The following MLIP variants were observed in gnomAD, a reference collection of about 807,000 sequenced individuals.
The protein encoded by MLIP is muscular LMNA-interacting protein.
Under a neutral mutation model 84.8 loss-of-function variants are expected in MLIP, and 79 were observed. The observed-to-expected ratio is 0.93, with a 90% confidence interval of 0.78 to 1.12. The LOEUF (loss-of-function observed/expected upper bound fraction) is 1.12. Among genes scored for constraint, MLIP ranks in the 50% most tolerant of loss-of-function variants. The probability of loss-of-function intolerance (pLI) is 0.00; values close to 1 mark genes in which losing one functional copy is unlikely to be tolerated. For missense variants in MLIP, 1,257 were observed against 1,160.6 expected, an observed-to-expected ratio of 1.08 and a Z score of -1.21; for synonymous variants, 504 against 463.0, an observed-to-expected ratio of 1.09 and a Z score of -1.14.
At chr6:54,212,097 T>C (rs1779495626) in intron 11 of MLIP, among the ~76,000 whole-genome samples, 1 of 152,226 alleles carries the variant, frequency 6.6e-6, no homozygotes, top group Non-Finnish European at 1.5e-5. Flanking sequence ...TTTCAATGAT[T>C]CCAGATATAT....
chr6:54,080,111 A>G (rs1165055766), intron 1 of MLIP, among the ~76,000 whole-genome samples: 2 of 151,288 alleles, frequency 1.3e-5, no homozygotes, highest in African/African-American at 4.9e-5. Context: ...CAAACCTAAT[A>G]CTCCTTCCCC....
chr6:54,166,884 A>G (rs949297263), intron 8 of MLIP, among the ~76,000 whole-genome samples: 2 of 151,932 alleles, frequency 1.3e-5, no homozygotes, highest in Non-Finnish European at 1.5e-5. Flanking sequence ...ATTTTCTCCC[A>G]CAAAATGATT....
intron 3 of MLIP, among the ~76,000 whole-genome samples, chr6:54,134,316 A>T (rs1314385988): frequency 6.6e-6 from 1 of 152,082 alleles, no homozygotes; most frequent in Non-Finnish European, 1.5e-5. Flanking sequence ...ATCTTTTTAT[A>T]AAAAAAGAAT....
chr6:54,023,629 G>C (rs1350186746), intron 1 of MLIP, among the ~76,000 whole-genome samples: 2 of 152,112 alleles, frequency 1.3e-5, no homozygotes, highest in Non-Finnish European at 2.9e-5. Flanking sequence ...GAGTGCAGTG[G>C]TGCGATCTCG....
At chr6:54,092,316 G>A (rs1022471701) in intron 1 of MLIP, among the ~76,000 whole-genome samples, 5 of 152,020 alleles carry the variant, frequency 3.3e-5, no homozygotes, top group African/African-American at 1.2e-4. Context: ...ATAATTATTG[G>A]CCTAGCAATA....
At chr6:54,101,811 C>T (rs553883) in intron 1 of MLIP, among the ~76,000 whole-genome samples, 149,799 of 152,270 alleles carry the variant, frequency 0.98, 73,738 homozygotes, top group East Asian at 1. Flanking sequence ...TGATATTCTT[C>T]ATCTCATTTC....
chr6:54,106,219 G>A (rs914126683), intron 1 of MLIP, among the ~76,000 whole-genome samples: 2 of 152,128 alleles, frequency 1.3e-5, no homozygotes, highest in African/African-American at 2.4e-5. Flanking sequence ...GCTGGAGTGA[G>A]GGGGCCAGGA....
chr6:54,076,634 C>T (rs1397027905), intron 1 of MLIP, among the ~76,000 whole-genome samples: 1 of 152,156 alleles, frequency 6.6e-6, no homozygotes, highest in South Asian at 2.1e-4. Flanking sequence ...GCCTAATTGC[C>T]TCTGGGTGGC....
At chr6:54,178,238 A>T (rs1776500112) in intron 9 of MLIP, among the ~76,000 whole-genome samples, 1 of 152,116 alleles carries the variant, frequency 6.6e-6, no homozygotes, top group Non-Finnish European at 1.5e-5. Flanking sequence ...ACATAAGGAA[A>T]AAAATTCTGT....
At chr6:54,219,283 T>C (rs1780061399) in intron 11 of MLIP, among the ~76,000 whole-genome samples, 1 of 151,086 alleles carries the variant, frequency 6.6e-6, no homozygotes, top group Admixed American at 6.6e-5. Context: ...TACAAAAATA[T>C]TTTTTATTTA....
chr6:54,019,422 C>G (rs1268891825), intron 1 of MLIP, among the ~76,000 whole-genome samples: 1 of 152,048 alleles, frequency 6.6e-6, no homozygotes, highest in Non-Finnish European at 1.5e-5. Context: ...CGAAGCTTAG[C>G]GAGTGTTCAA....
chr6:54,167,680 T>G (rs1176894738), intron 8 of MLIP, among the ~76,000 whole-genome samples: 1 of 151,946 alleles, frequency 6.6e-6, no homozygotes, highest in Non-Finnish European at 1.5e-5. Context: ...AGACTTCAGA[T>G]GATATTACCT....
chr6:54,058,142 G>C (rs1037029549), intron 1 of MLIP: 1 of 7,140 alleles, frequency 1.4e-4, no homozygotes, highest in South Asian at 9.3e-3. Context: ...ATATTTTAGG[G>C]GGAATAGAAA....
intron 11 of MLIP, among the ~76,000 whole-genome samples, chr6:54,218,769 G>A (rs1200435960): frequency 6.6e-6 from 1 of 152,014 alleles, no homozygotes; most frequent in African/African-American, 2.4e-5. Context: ...GCCCACCTCA[G>A]CCTCCCAAAG....
At chr6:54,200,651 G>A (rs934302606) in intron 10 of MLIP, among the ~76,000 whole-genome samples, 2 of 137,672 alleles carry the variant, frequency 1.5e-5, no homozygotes. Context: ...CTTAATGGAG[G>A]AATATTGTTC....
intron 1 of MLIP, among the ~76,000 whole-genome samples, chr6:54,045,247 C>T (rs961077120): frequency 2.0e-5 from 3 of 151,644 alleles, no homozygotes; most frequent in Non-Finnish European, 2.9e-5. Context: ...ACTCAGGAGG[C>T]TGAGGCAGGA....
At chr6:54,116,134 G>A (rs540432849) in intron 1 of MLIP, among the ~76,000 whole-genome samples, 19 of 152,206 alleles carry the variant, frequency 1.2e-4, no homozygotes, top group East Asian at 1.9e-4. Context: ...GTTAAAAGGC[G>A]TGCTCATAAG....
At chr6:54,203,923 A>G (rs1279498751) in intron 11 of MLIP, 6 of 152,220 alleles carry the variant, frequency 3.9e-5, no homozygotes, top group Non-Finnish European at 7.3e-5. Context: ...AGGTGTTCAG[A>G]TTAGGTACCT....
intron 5 of MLIP, among the ~76,000 whole-genome samples, chr6:54,158,227 C>A (rs1774245509): frequency 1.3e-5 from 2 of 151,914 alleles, no homozygotes; most frequent in Non-Finnish European, 2.9e-5. Flanking sequence ...GATATGTCTA[C>A]CTCAGAATGG....
Sources: gnomAD v4.1 joint callset for allele counts (sites outside exome capture counted in the v4.1 genomes callset) on GRCh38, gnomAD v4.1.1 for gene constraint, MANE v1.5 for transcripts, NCBI Gene and HGNC (gene_info 2026-07-23, HGNC 2026-07-21) for gene names.